ENDOG: variants seen among roughly 807,000 people sequenced by gnomAD.
ENDOG encodes the protein endonuclease G, also known as endonuclease G, mitochondrial.
In ENDOG, 22 loss-of-function variants were observed where a neutral mutation model predicts 22.6. The observed-to-expected ratio is 0.97, with a 90% CI of 0.70 to 1.39. ENDOG has a LOEUF of 1.39. ENDOG is among the 40% of genes most tolerant of loss of function. The pLI, the probability that ENDOG is intolerant of heterozygous loss-of-function variation, is 0.00. For synonymous variants in ENDOG, 173 were observed against 200.2 expected (o/e 0.86, Z 1.15); for missense variants, 403 against 431.3 (o/e 0.93, Z 0.58).
Position 128,818,759 on chromosome 9 carries a change from GC to G in ENDOG, c.76del (p.Arg26GlyfsTer136). The G allele has an allele frequency of 1.7e-6, 2 of 1,177,036 alleles. No individual in the cohort carries two copies. Among genetic ancestry groups the G allele is most frequent in the African/African-American group, 1.6e-5 (1 of 62,028 alleles). 72.9% of individuals were successfully genotyped at this position (1,177,036 alleles called of 1,614,324 possible). A position where few individuals can be genotyped will look rare whatever the true frequency, so the allele number is the denominator to read the frequency against. ...LGAVVEGWRR[R>X]REDARAAPGL... ...GTGCGGTCGTCGAGGGCTGGCGGCG[GC>G]GGCGGGAGGACGCGCGGGCGGCGCC... is the stretch of plus-strand genomic sequence containing the variant. On this transcript the variant is annotated frameshift_variant, in exon 1 of 3. Transcript: ENST00000372642. LOFTEE classifies it high-confidence loss of function.
chr9:128,822,273 G>A, intron 2 of ENDOG, 55 bp from the exon 3 acceptor site: 5 of 1,579,452 alleles, frequency 3.2e-6, no homozygotes, highest in Non-Finnish European at 4.3e-6. Context: ...CCTGGAAGAG[G>A]TGGCTTTGGG....
At chr9:128,821,694 G>A (rs1830121817) in intron 2 of ENDOG, 1 of 157,100 alleles carries the variant, frequency 6.4e-6, no homozygotes. Flanking sequence ...ACAGGCTCGG[G>A]ATGGAGTCCA....
In ENDOG at chr9:128,819,031, G is replaced by T; in HGVS notation, c.347G>T (p.Arg116Leu). ...GGCGACCGGCGCGAGTGCGACTTCCGCGAGGACGACTCGGTGCACGCGTAC... is the reference window on the plus strand; with the variant it reads ...GGCGACCGGCGCGAGTGCGACTTCCTCGAGGACGACTCGGTGCACGCGTAC... ...GDGDRRECDF[R>L]EDDSVHAYHR... is the part of the protein sequence containing the mutation. Residue 116 changes from arginine (R) to leucine (L), a missense_variant, in exon 1 of 3, where the codon CGC becomes CTC. Transcript: ENST00000372642. 1 of 1,495,246 alleles carries T rather than the reference G, an allele frequency of 6.7e-7. No homozygotes were observed. The allele number at this position is 1,495,246 out of a possible 1,614,324, so 92.6% of individuals were successfully genotyped here. A position where few individuals can be genotyped will look rare whatever the true frequency, so the allele number is the denominator to read the frequency against.
intron 1 of ENDOG, 114 bp downstream of exon 1, chr9:128,819,299 G>T: frequency 7.4e-7 from 1 of 1,348,556 alleles, no homozygotes; most frequent in South Asian, 1.7e-5. Context: ...CCCCGGTCAG[G>T]CATCGCAGTG....
intron 1 of ENDOG, 173 bp from the exon 2 acceptor site, chr9:128,820,566 C>CT (rs759758672): frequency 1.8e-5 from 11 of 618,942 alleles, no homozygotes; most frequent in African/African-American, 1.5e-4. Flanking sequence ...GGCTAGCACT[C>CT]TATCAGCCCT....
Position 128,820,823 on chromosome 9 carries a change from T to C in ENDOG, c.586T>C (p.Cys196Arg). 6.2e-7 allele frequency: 1 copy of C among 1,611,280 alleles called. No individual in the cohort carries two copies. The highest frequency in any genetic ancestry group is 1.3e-5 in the African/African-American group (1 of 74,968). Reference protein sequence around the residue: ...LTRSYQNVYVCTGPLFLPRTE... With the variant: ...LTRSYQNVYVRTGPLFLPRTE... ...CCGCAGCTACCAAAACGTCTATGTC[T>C]GCACAGGGCCACTCTTCCTGCCCAG... The change falls in exon 2 of 3, where the codon TGC (cysteine) becomes CGC (arginine). Residue 196 changes from cysteine (C) to arginine (R), a missense_variant. Coordinates refer to ENST00000372642, the MANE Select transcript of ENDOG (RefSeq NM_004435.2).
intron 1 of ENDOG, chr9:128,819,558 C>T (rs1830064651): frequency 8.8e-6 from 2 of 226,580 alleles, no homozygotes; most frequent in Non-Finnish European, 1.7e-5. Context: ...AACCGCAGCG[C>T]CCAACCTATT....
Position 128,822,643 on chromosome 9 carries a change from A to T in ENDOG, c.*33A>T, listed in dbSNP as rs577543833. 2 of 1,557,742 alleles carry T rather than the reference A, an allele frequency of 1.3e-6. No individual in the cohort carries two copies. The highest frequency in any genetic ancestry group is 2.4e-5 in the East Asian group (1 of 41,990). On this transcript the variant is annotated 3_prime_UTR_variant, in exon 3 of 3. Transcript: ENST00000372642. Reference sequence around the variant, plus strand: ...GCCCAGTGAGACTGTGGGTGTGTGCAGGCCGGGGAGTATTAAAGGTGGTGA... The same window carrying T: ...GCCCAGTGAGACTGTGGGTGTGTGCTGGCCGGGGAGTATTAAAGGTGGTGA...
In ENDOG at chr9:128,819,194, C is replaced by T; in HGVS notation, c.501+9C>T. Reference sequence around the variant, plus strand: ...GCAACGTCGCGCCCCAGGTAGCGCCCGCGCCCCGGGCCGGTCGCGGAATGC... The same window carrying T: ...GCAACGTCGCGCCCCAGGTAGCGCCTGCGCCCCGGGCCGGTCGCGGAATGC... On this transcript the variant is annotated intron_variant, in intron 1 of 2. Coordinates refer to ENST00000372642, the MANE Select transcript of ENDOG (RefSeq NM_004435.2). The T allele has an allele frequency of 6.8e-7, 1 of 1,466,952 alleles. No homozygotes were observed. The highest frequency in any genetic ancestry group is 1.3e-5 in the South Asian group (1 of 75,162). 90.9% of individuals were successfully genotyped at this position (1,466,952 alleles called of 1,614,324 possible).
In ENDOG at chr9:128,818,882, G is replaced by A. The variant is rs200885264; in HGVS notation, c.198G>A (p.Lys66=). 5 of 1,458,748 alleles carry A rather than the reference G, an allele frequency of 3.4e-6. No homozygotes were observed. The African/African-American group carries it at 4.4e-5, about 13-fold the overall frequency. The allele number at this position is 1,458,748 out of a possible 1,614,324, so 90.4% of individuals were successfully genotyped here. The change falls in exon 1 of 3, where the codon AAG becomes AAA. Residue 66 remains lysine, a synonymous_variant. Coordinates refer to ENST00000372642, the MANE Select transcript of ENDOG (RefSeq NM_004435.2). ...CCCGCGGCCCGGGCGAGCTGGCCAA[G>A]TACGGGCTGCCGGGGCTGGCGCAGC... The part of the protein sequence containing the change: ...GGPRGPGELA[K]YGLPGLAQLK...
At position 128,822,568 on chromosome 9, in the gene ENDOG, G is replaced by A. The variant is rs373670717; in HGVS notation, c.852G>A (p.Ala284=). The part of the protein sequence containing the change: ...SGLLFVPNIL[A]RAGSLKAITA... ...TGCTCTTTGTGCCAAACATCCTGGC[G>A]CGGGCAGGCAGCCTCAAGGCCATCA... Residue 284 remains alanine, a synonymous_variant, in exon 3 of 3, where the codon GCG becomes GCA. Transcript: ENST00000372642. The A allele has an allele frequency of 1.4e-5, 22 of 1,566,044 alleles. No homozygotes were observed. The East Asian group carries it at 1.9e-4, about 13-fold the overall frequency.
At chr9:128,820,979 C>A in intron 2 of ENDOG, 131 bp downstream of exon 2, 2 of 792,588 alleles carry the variant, frequency 2.5e-6, no homozygotes, top group Non-Finnish European at 4.1e-6. Flanking sequence ...CTTGGCAAGC[C>A]TGTCAGCTTC....
chr9:128,820,813 CGTCTAT>C lies in ENDOG; in HGVS notation c.581_586del (p.Tyr194_Val195del). On this transcript the variant is annotated inframe_deletion, in exon 2 of 3. Transcript: ENST00000372642. ...GCAGCTTGACCCGCAGCTACCAAAA[CGTCTAT>C]GTCTGCACAGGGCCACTCTTCCTGC... 2 of 1,612,120 alleles carry C rather than the reference CGTCTAT, an allele frequency of 1.2e-6. No individual in the cohort carries two copies. Among genetic ancestry groups the C allele is most frequent in the Non-Finnish European group, 1.7e-6 (2 of 1,179,132 alleles).
Position 128,818,882 on chromosome 9 carries a change from G to C in ENDOG, c.198G>C (p.Lys66Asn), listed in dbSNP as rs200885264. 0.011 allele frequency: 16,520 copies of C among 1,458,820 alleles called. 134 individuals carry two copies. The highest frequency in any genetic ancestry group is 0.013 in the Non-Finnish European group (14,699 of 1,113,096). The allele number at this position is 1,458,820 out of a possible 1,614,324, so 90.4% of individuals were successfully genotyped here. A position where few individuals can be genotyped will look rare whatever the true frequency, so the allele number is the denominator to read the frequency against. The change falls in exon 1 of 3, where the codon AAG becomes AAC. Residue 66 changes from lysine to asparagine, a missense_variant. Physicochemically the swap from Lys to Asn is moderately conservative, Grantham distance 94. Coordinates refer to ENST00000372642, the MANE Select transcript of ENDOG (RefSeq NM_004435.2). ...CCCGCGGCCCGGGCGAGCTGGCCAA[G>C]TACGGGCTGCCGGGGCTGGCGCAGC... is the stretch of plus-strand genomic sequence containing the variant. Reference protein sequence around the residue: ...GGPRGPGELAKYGLPGLAQLK... With the variant: ...GGPRGPGELANYGLPGLAQLK...
At chr9:128,819,322 G>A (rs969628251) in intron 1 of ENDOG, 137 bp downstream of exon 1, 92 of 1,301,512 alleles carry the variant, frequency 7.1e-5, no homozygotes, top group Admixed American at 1.5e-4. Flanking sequence ...ATCCCGTGGC[G>A]GGAGGGAGGA....
At chr9:128,821,383 C>T (rs533080695) in intron 2 of ENDOG, 6 of 169,678 alleles carry the variant, frequency 3.5e-5, no homozygotes, top group Admixed American at 1.9e-4. Context: ...CGAGCTCTCC[C>T]GCCTTCCCCA....
Position 128,820,952 on chromosome 9 carries a change from C to T in ENDOG, c.611+104C>T, listed in dbSNP as rs555734949. 1.5e-4 allele frequency: 151 copies of T among 994,518 alleles called. No individual in the cohort carries two copies. In the South Asian group the frequency reaches 1.9e-3, roughly 13 times the overall value. 61.6% of individuals were successfully genotyped at this position (994,518 alleles called of 1,614,324 possible). On this transcript the variant is annotated intron_variant, in intron 2 of 2. Coordinates refer to ENST00000372642, the MANE Select transcript of ENDOG (RefSeq NM_004435.2). ...CCCAGGCTCTGGGTCAATACCAGTTCCCTACTCATCTGGTTTCTTGGCAAG... is the reference window on the plus strand; with the variant it reads ...CCCAGGCTCTGGGTCAATACCAGTTTCCTACTCATCTGGTTTCTTGGCAAG...
chr9:128,820,823 T>G lies in ENDOG; in HGVS notation c.586T>G (p.Cys196Gly). 1 of 1,611,280 alleles carries G rather than the reference T, an allele frequency of 6.2e-7. No individual in the cohort carries two copies. Residue 196 changes from cysteine to glycine, a missense_variant, in exon 2 of 3, where the codon TGC (cysteine) becomes GGC (glycine). Physicochemically the swap from Cys to Gly is radical, Grantham distance 159. Transcript: ENST00000372642. ...CCGCAGCTACCAAAACGTCTATGTCTGCACAGGGCCACTCTTCCTGCCCAG... is the reference window on the plus strand; with the variant it reads ...CCGCAGCTACCAAAACGTCTATGTCGGCACAGGGCCACTCTTCCTGCCCAG... Reference protein sequence around the residue: ...LTRSYQNVYVCTGPLFLPRTE... With the variant: ...LTRSYQNVYVGTGPLFLPRTE...
In ENDOG at chr9:128,818,510, G is replaced by T; in HGVS notation, c.-175G>T. ...GAAAGGACGCCGGGGACACCCGGTTGGGCTCTGCTGCTCCCTTCTGGGTTC... is the reference window on the plus strand; with the variant it reads ...GAAAGGACGCCGGGGACACCCGGTTTGGCTCTGCTGCTCCCTTCTGGGTTC... On this transcript the variant is annotated 5_prime_UTR_variant, in exon 1 of 3. Coordinates refer to ENST00000372642, the MANE Select transcript of ENDOG (RefSeq NM_004435.2). 3 of 659,076 alleles carry T rather than the reference G, an allele frequency of 4.6e-6. No individual in the cohort carries two copies. The highest frequency in any genetic ancestry group is 5.8e-6 in the Non-Finnish European group (3 of 513,232). 40.8% of individuals were successfully genotyped at this position (659,076 alleles called of 1,614,324 possible).
Sources: gnomAD v4.1 joint callset for allele counts on GRCh38, gnomAD v4.1.1 for gene constraint, MANE v1.5 for transcripts, NCBI Gene and HGNC (gene_info 2026-07-23, HGNC 2026-07-21) for gene names.